Variants in MRAP2 observed in about 807,000 individuals in gnomAD.
The protein encoded by MRAP2 is melanocortin-2 receptor accessory protein 2.
MRAP2 carries 20 observed loss-of-function variants against 17.4 expected under a neutral mutation model. That is an observed-to-expected ratio of 1.15 (90% CI 0.81 to 1.67). The LOEUF (loss-of-function observed/expected upper bound fraction) is 1.67, where lower values mean the gene tolerates loss of function less well. Ranked by LOEUF, MRAP2 falls within the 40% of genes most tolerant of loss-of-function variation. The pLI is 0.00. For missense variants in MRAP2, 238 were observed against 240.0 expected, an observed-to-expected ratio of 0.99 and a Z score of 0.05; for synonymous variants, 96 against 88.4, an observed-to-expected ratio of 1.09 and a Z score of -0.48.
chr6:84,099,325 A>G, the MRAP2 span, among the ~76,000 whole-genome samples: 1 of 151,524 alleles, frequency 6.6e-6, no homozygotes, highest in Non-Finnish European at 1.5e-5. Flanking sequence ...TTTTATTTTT[A>G]AATTTTTTTT....
the MRAP2 span, among the ~76,000 whole-genome samples, chr6:84,109,200 T>G: frequency 3.9e-5 from 6 of 152,332 alleles, no homozygotes; most frequent in African/African-American, 1.4e-4. Context: ...GTTTCCTAAT[T>G]CTGTGAAGAA....
Position 84,062,905 on chromosome 6 carries a change from T to C in MRAP2, c.140T>C (p.Ile47Thr), listed in dbSNP as rs79682316. Residue 47 changes from isoleucine to threonine, a missense_variant, in exon 3 of 4, where the codon ATT (isoleucine) becomes ACT (threonine). Physicochemically the swap from Ile to Thr is moderately conservative, Grantham distance 89. Transcript: ENST00000257776. ...AACTGTCTTTCAGATTCCATTGTGATTGGATTTTGGGTTGGTCTTGCAGTC... is the reference window on the plus strand; with the variant it reads ...AACTGTCTTTCAGATTCCATTGTGACTGGATTTTGGGTTGGTCTTGCAGTC... ...GLKAHKYSIV[I>T]GFWVGLAVFV... The C allele has an allele frequency of 1.1e-5, 17 of 1,614,166 alleles. No homozygotes were observed. The highest frequency in any genetic ancestry group is 2.7e-5 in the African/African-American group (2 of 75,044).
At chr6:84,122,352 C>CAAAAAAAAAAAAAAAAAAAA in the MRAP2 span, among the ~76,000 whole-genome samples, 1 of 36,148 alleles carries the variant, frequency 2.8e-5, no homozygotes, top group African/African-American at 1.1e-4. Context: ...ACAGCACATC[C>CAAAAAAAAAAAAAAAAAAAA]AAAAAAAAAA....
chr6:84,033,486 A>G (rs2099485070), upstream of MRAP2, among the ~76,000 whole-genome samples: 2 of 152,218 alleles, frequency 1.3e-5, no homozygotes, highest in African/African-American at 2.4e-5. Context: ...TTGCTCAGCT[A>G]ATGAGCTCCT....
the MRAP2 span, among the ~76,000 whole-genome samples, chr6:84,098,969 AT>A: frequency 6.6e-6 from 1 of 152,088 alleles, no homozygotes; most frequent in East Asian, 1.9e-4. Flanking sequence ...CTAATCCATA[AT>A]TTTTTTAATA....
chr6:84,098,834 A>G, the MRAP2 span, among the ~76,000 whole-genome samples: 2 of 152,076 alleles, frequency 1.3e-5, no homozygotes, highest in Admixed American at 1.3e-4. Context: ...AGTTCTTTAT[A>G]TTCTGTAAAT....
chr6:84,113,171 A>G, the MRAP2 span, among the ~76,000 whole-genome samples: 3 of 152,116 alleles, frequency 2.0e-5, no homozygotes, highest in Non-Finnish European at 2.9e-5. Flanking sequence ...TGTCTCATTG[A>G]TCTGTCTAAT....
At chr6:84,134,396 A>G in the MRAP2 span, among the ~76,000 whole-genome samples, 2 of 152,122 alleles carry the variant, frequency 1.3e-5, no homozygotes, top group Admixed American at 1.3e-4. Context: ...TGTGGTATGA[A>G]AAAAAACTCC....
chr6:84,123,568 A>T, the MRAP2 span, among the ~76,000 whole-genome samples: 1 of 152,154 alleles, frequency 6.6e-6, no homozygotes, highest in Admixed American at 6.6e-5. Context: ...TCATATACAA[A>T]AATTAATGCA....
chr6:84,073,211 T>C (rs1025497735), intron 3 of MRAP2, among the ~76,000 whole-genome samples: 9 of 152,220 alleles, frequency 5.9e-5, no homozygotes, highest in Non-Finnish European at 1.2e-4. Context: ...CCTATGGTGC[T>C]AGGCAGGAAT....
At chr6:84,065,707 G>C (rs1258477151) in intron 3 of MRAP2, among the ~76,000 whole-genome samples, 2 of 152,166 alleles carry the variant, frequency 1.3e-5, no homozygotes, top group East Asian at 3.9e-4. Flanking sequence ...TCCTGTGATG[G>C]TTAATTTTAT....
chr6:84,114,523 G>A, the MRAP2 span, among the ~76,000 whole-genome samples: 1 of 151,996 alleles, frequency 6.6e-6, no homozygotes, highest in African/African-American at 2.4e-5. Context: ...GTTAGAACAT[G>A]CTCCTTTAGC....
chr6:84,100,110 T>G, the MRAP2 span, among the ~76,000 whole-genome samples: 1 of 152,210 alleles, frequency 6.6e-6, no homozygotes, highest in African/African-American at 2.4e-5. Context: ...TCCACTTGCC[T>G]TGGCCTCCCA....
At chr6:84,124,927 A>C in the MRAP2 span, 1 of 685,448 alleles carries the variant, frequency 1.5e-6, no homozygotes, top group Non-Finnish European at 2.5e-6. Flanking sequence ...GGTTAAAGGC[A>C]ATTTATTTTG....
chr6:84,118,375 G>A, the MRAP2 span, among the ~76,000 whole-genome samples: 1 of 151,678 alleles, frequency 6.6e-6, no homozygotes, highest in Non-Finnish European at 1.5e-5. Flanking sequence ...CAAAGGTGGT[G>A]TCCCACCCCT....
At chr6:84,133,274 G>C in the MRAP2 span, among the ~76,000 whole-genome samples, 2 of 152,156 alleles carry the variant, frequency 1.3e-5, no homozygotes, top group African/African-American at 4.8e-5. Flanking sequence ...GGCCCCTATT[G>C]GGAGGTGTCT....
chr6:84,101,526 T>C, the MRAP2 span, among the ~76,000 whole-genome samples: 1,835 of 152,330 alleles, frequency 0.012, 34 homozygotes, highest in African/African-American at 0.041. Context: ...GTTTAAGGCT[T>C]CAGGACAGTT....
intron 3 of MRAP2, among the ~76,000 whole-genome samples, chr6:84,085,912 A>G (rs866495814): frequency 1.2e-4 from 18 of 152,212 alleles, no homozygotes; most frequent in African/African-American, 4.3e-4. Flanking sequence ...AAAAGCCTCT[A>G]TCAGGAAGAA....
chr6:84,134,273 T>C, the MRAP2 span, among the ~76,000 whole-genome samples: 1 of 152,182 alleles, frequency 6.6e-6, no homozygotes, highest in African/African-American at 2.4e-5. Context: ...TTCAAGCCAG[T>C]GGATCTTAGC....
Sources: allele counts gnomAD v4.1 joint callset (sites outside exome capture counted in the v4.1 genomes callset), GRCh38; gene constraint gnomAD v4.1.1; transcripts MANE v1.5; gene names NCBI Gene and HGNC (gene_info 2026-07-23, HGNC 2026-07-21).